GNAQ: variants seen among roughly 807,000 people sequenced by gnomAD.
GNAQ encodes guanine nucleotide-binding protein G(q) subunit alpha.
A neutral mutation model predicts 43.9 loss-of-function variants in GNAQ; 8 were observed. The ratio of observed to expected loss-of-function variants is 0.18; its 90% CI spans 0.11 to 0.33. The LOEUF (loss-of-function observed/expected upper bound fraction) is 0.33. Ranked by LOEUF, GNAQ falls within the 10% of genes least tolerant of loss-of-function variation. The pLI, the probability that GNAQ is intolerant of heterozygous loss-of-function variation, is 1.00. For missense variants in GNAQ, 158 were observed against 450.8 expected, an observed-to-expected ratio of 0.35 and a Z score of 5.88; for synonymous variants, 155 against 170.7, an observed-to-expected ratio of 0.91 and a Z score of 0.71.
chr9:77,717,104 G>C lies in GNAQ; in HGVS notation c.*4219C>G, dbSNP rs1008065137. 1 of 232,496 alleles carries C rather than the reference G, an allele frequency of 4.3e-6. No homozygotes were observed. The highest frequency in any genetic ancestry group is 2.2e-5 in the African/African-American group (1 of 45,302). 14.4% of individuals were successfully genotyped at this position (232,496 alleles called of 1,614,324 possible). A position where few individuals can be genotyped will look rare whatever the true frequency, so the allele number is the denominator to read the frequency against. ...ACCAAAATGAAATCCCAAAGACACA[G>C]TTACCAGGACAGATCTATTAACGCT... On this transcript the variant is annotated 3_prime_UTR_variant, in exon 7 of 7. Coordinates refer to ENST00000286548, the MANE Select transcript of GNAQ (RefSeq NM_002072.5).
At chr9:77,938,846 C>T (rs1487087998) in intron 1 of GNAQ, among the ~76,000 whole-genome samples, 2 of 152,172 alleles carry the variant, frequency 1.3e-5, no homozygotes, top group African/African-American at 4.8e-5. Flanking sequence ...GGAAGGGAAA[C>T]GCTGCTAAGT....
chr9:77,894,503 ACCTCTGCCT>A (rs1828468074), intron 2 of GNAQ, among the ~76,000 whole-genome samples: 1 of 149,762 alleles, frequency 6.7e-6, no homozygotes, highest in Admixed American at 6.7e-5. Flanking sequence ...GCTCACTGCA[ACCTCTGCCT>A]CCCAGGTTCA....
intron 5 of GNAQ, among the ~76,000 whole-genome samples, chr9:77,766,476 T>C (rs1826138076): frequency 6.6e-6 from 1 of 152,228 alleles, no homozygotes; most frequent in Non-Finnish European, 1.5e-5. Context: ...AACTCCTTTG[T>C]CCCTTGTGAT....
chr9:77,872,588 A>G (rs1828056851), intron 2 of GNAQ, among the ~76,000 whole-genome samples: 1 of 152,158 alleles, frequency 6.6e-6, no homozygotes, highest in African/African-American at 2.4e-5. Flanking sequence ...GTAGAATACA[A>G]AGCAGATTTT....
At chr9:77,751,333 C>T (rs1243329471) in intron 5 of GNAQ, among the ~76,000 whole-genome samples, 2 of 152,138 alleles carry the variant, frequency 1.3e-5, no homozygotes, top group Non-Finnish European at 2.9e-5. Flanking sequence ...TAAAAATATC[C>T]TAGAATGGGT....
In GNAQ at chr9:77,850,541, T is replaced by C. The variant is rs145370665; in HGVS notation, c.322-34771A>G. On this transcript the variant is annotated intron_variant, in intron 2 of 6. Transcript: ENST00000286548. ...TGATTTCTCGGGAACGTAAACCTAA[T>C]CACATCACTCACCTGCTTAAAGCCT... Among the ~76,000 whole-genome samples the C allele has an allele frequency of 5.2e-3, 792 of 152,292 alleles. 7 individuals are homozygous for C. Among genetic ancestry groups the C allele is most frequent in the Middle Eastern group, 0.02 (6 of 294 alleles).
intron 2 of GNAQ, among the ~76,000 whole-genome samples, chr9:77,906,430 A>G (rs1232450999): frequency 6.6e-6 from 1 of 152,250 alleles, no homozygotes; most frequent in African/African-American, 2.4e-5. Context: ...TGGCAATTGA[A>G]TAATCTTTAT....
At chr9:77,953,097 A>G (rs1313881514) in intron 1 of GNAQ, among the ~76,000 whole-genome samples, 1 of 152,188 alleles carries the variant, frequency 6.6e-6, no homozygotes, top group Non-Finnish European at 1.5e-5. Context: ...CTAGCTGGAA[A>G]TCGTTGCTAA....
chr9:77,751,227 G>T (rs1305833374), intron 5 of GNAQ, among the ~76,000 whole-genome samples: 1 of 152,152 alleles, frequency 6.6e-6, no homozygotes, highest in Non-Finnish European at 1.5e-5. Context: ...CTAATGCCTT[G>T]ATTTTTGGAA....
intron 2 of GNAQ, among the ~76,000 whole-genome samples, chr9:77,839,391 T>G (rs1827445840): frequency 1.3e-5 from 2 of 152,218 alleles, no homozygotes; most frequent in Non-Finnish European, 2.9e-5. Context: ...TCATTACATC[T>G]CTCAACTTTA....
At chr9:77,869,592 A>T (rs1828004361) in intron 2 of GNAQ, among the ~76,000 whole-genome samples, 2 of 152,222 alleles carry the variant, frequency 1.3e-5, no homozygotes, top group Admixed American at 1.3e-4. Context: ...CTCTAATAAC[A>T]TCATCATTCT....
intron 1 of GNAQ, among the ~76,000 whole-genome samples, chr9:77,943,088 C>G (rs753019405): frequency 6.6e-6 from 1 of 152,196 alleles, no homozygotes; most frequent in East Asian, 1.9e-4. Flanking sequence ...TCCACTAGTC[C>G]CAGTTAGCAC....
chr9:77,950,464 CA>C (rs1445547412), intron 1 of GNAQ, among the ~76,000 whole-genome samples: 1 of 152,248 alleles, frequency 6.6e-6, no homozygotes, highest in Non-Finnish European at 1.5e-5. Context: ...ATTCAGAATA[CA>C]GCTACCTTCC....
chr9:78,012,646 G>T (rs981654696), intron 1 of GNAQ, among the ~76,000 whole-genome samples: 2 of 151,326 alleles, frequency 1.3e-5, no homozygotes, highest in Non-Finnish European at 2.9e-5. Flanking sequence ...ATTGAGAGAA[G>T]AAATATTTGG....
intron 5 of GNAQ, among the ~76,000 whole-genome samples, chr9:77,778,150 A>G (rs1587912270): frequency 3.9e-5 from 6 of 152,174 alleles, no homozygotes; most frequent in African/African-American, 1.2e-4. Flanking sequence ...GATCTAACAG[A>G]TAACAGCTCT....
chr9:77,829,880 T>TA (rs965933497), intron 2 of GNAQ, among the ~76,000 whole-genome samples: 6 of 151,988 alleles, frequency 3.9e-5, no homozygotes, highest in South Asian at 4.2e-4. Context: ...CTGGGGAGCT[T>TA]AAAAAAAAGA....
intron 2 of GNAQ, among the ~76,000 whole-genome samples, chr9:77,847,686 T>C (rs1292911400): frequency 6.6e-6 from 1 of 152,210 alleles, no homozygotes; most frequent in Non-Finnish European, 1.5e-5. Context: ...TGGCTACAAA[T>C]ATCTATGAAC....
chr9:77,749,039 A>G (rs1404388506), intron 5 of GNAQ, among the ~76,000 whole-genome samples: 1 of 152,152 alleles, frequency 6.6e-6, no homozygotes. Flanking sequence ...ACTGCATCCA[A>G]CACTTCAGGC....
At chr9:77,844,820 C>T (rs2117897280) in intron 2 of GNAQ, among the ~76,000 whole-genome samples, 1 of 151,274 alleles carries the variant, frequency 6.6e-6, no homozygotes, top group East Asian at 2.0e-4. Context: ...TTACAGGTGC[C>T]TGCCACCATG....
Sources: allele counts gnomAD v4.1 joint callset (sites outside exome capture counted in the v4.1 genomes callset), GRCh38; gene constraint gnomAD v4.1.1; transcripts MANE v1.5; gene names NCBI Gene and HGNC (gene_info 2026-07-23, HGNC 2026-07-21).